The following DIS3L2 variants were observed in gnomAD, a reference collection of about 807,000 sequenced individuals.
The protein encoded by DIS3L2 is DIS3-like exonuclease 2.
In DIS3L2, 34 loss-of-function variants were observed where a neutral mutation model predicts 97.5. That is an observed-to-expected ratio of 0.35 (90% CI 0.27 to 0.46). DIS3L2 has a LOEUF of 0.46. Among genes scored for constraint, DIS3L2 ranks in the 20% least tolerant of loss-of-function variants. The pLI, the probability that DIS3L2 is intolerant of heterozygous loss-of-function variation, is 1.00. For missense variants in DIS3L2, 1,038 were observed against 1,146.0 expected, an observed-to-expected ratio of 0.91 and a Z score of 1.36; for synonymous variants, 435 against 445.2, an observed-to-expected ratio of 0.98 and a Z score of 0.29.
chr2:232,012,973 C>T (rs942485611), intron 1 of DIS3L2, among the ~76,000 whole-genome samples: 1 of 152,094 alleles, frequency 6.6e-6, no homozygotes, highest in Non-Finnish European at 1.5e-5. Flanking sequence ...GTGGATTGCC[C>T]CATGTGGAGG....
At chr2:232,244,194 C>T (rs1301105734) in intron 11 of DIS3L2, among the ~76,000 whole-genome samples, 6 of 152,028 alleles carry the variant, frequency 3.9e-5, no homozygotes, top group Admixed American at 2.6e-4. Flanking sequence ...CATTTGAGAG[C>T]GTTAGAATGT....
chr2:232,244,723 G>T (rs1431990824), intron 11 of DIS3L2, among the ~76,000 whole-genome samples: 1 of 152,226 alleles, frequency 6.6e-6, no homozygotes, highest in Non-Finnish European at 1.5e-5. Context: ...CTGTGAAGAA[G>T]AGTTGAGGTT....
intron 1 of DIS3L2, among the ~76,000 whole-genome samples, chr2:231,973,987 T>G (rs1283540408): frequency 6.6e-6 from 1 of 152,194 alleles, no homozygotes; most frequent in Admixed American, 6.5e-5. Context: ...TGCATTCATC[T>G]CTACAGTAAA....
Position 232,336,908 on chromosome 2 carries a change from T to TC in DIS3L2, c.*280dup. 7.9e-7 allele frequency: 1 copy of TC among 1,262,590 alleles called. No individual in the cohort carries two copies. The highest frequency in any genetic ancestry group is 1.0e-6 in the Non-Finnish European group (1 of 998,954). 78.2% of individuals were successfully genotyped at this position (1,262,590 alleles called of 1,614,324 possible). A position where few individuals can be genotyped will look rare whatever the true frequency, so the allele number is the denominator to read the frequency against. On this transcript the variant is annotated 3_prime_UTR_variant, in exon 21 of 21. Coordinates refer to ENST00000325385, the MANE Select transcript of DIS3L2 (RefSeq NM_152383.5). The stretch of plus-strand genomic sequence containing the variant: ...CCCTTTTTTCTGGGCCCTACTGCCC[T>TC]CCTCTGCCCAGGAAATGGGGGGGTT...
At chr2:232,188,918 A>T (rs549791951) in intron 9 of DIS3L2, among the ~76,000 whole-genome samples, 1 of 152,362 alleles carries the variant, frequency 6.6e-6, no homozygotes, top group African/African-American at 2.4e-5. Context: ...TGGACAGAAG[A>T]CATACACTGA....
chr2:232,166,831 G>A (rs1238083919), intron 9 of DIS3L2, among the ~76,000 whole-genome samples: 5 of 151,946 alleles, frequency 3.3e-5, no homozygotes, highest in Non-Finnish European at 5.9e-5. Flanking sequence ...GACCAGCGTG[G>A]CCAACATGGT....
intron 13 of DIS3L2, among the ~76,000 whole-genome samples, chr2:232,272,834 G>A (rs1476510293): frequency 6.6e-6 from 1 of 152,198 alleles, no homozygotes; most frequent in African/African-American, 2.4e-5. Flanking sequence ...TGCAGGGTCT[G>A]CTGGTGAGGA....
intron 14 of DIS3L2, among the ~76,000 whole-genome samples, chr2:232,308,138 C>T (rs552762520): frequency 4.6e-5 from 7 of 152,360 alleles, no homozygotes; most frequent in South Asian, 4.1e-4. Flanking sequence ...GGCAGGTCAC[C>T]ATCCATTCAG....
intron 5 of DIS3L2, among the ~76,000 whole-genome samples, chr2:232,057,799 G>A (rs1695589820): frequency 6.6e-6 from 1 of 152,114 alleles, no homozygotes; most frequent in African/African-American, 2.4e-5. Flanking sequence ...GTAGGTTTTT[G>A]TGTCGCATAG....
intron 1 of DIS3L2, among the ~76,000 whole-genome samples, chr2:231,996,631 TTATC>T (rs1209934786): frequency 2.0e-5 from 3 of 152,248 alleles, no homozygotes; most frequent in Admixed American, 2.0e-4. Flanking sequence ...TTTGCCGTGT[TTATC>T]TTTCTTTTGC....
chr2:232,278,161 T>C (rs1009723605), intron 13 of DIS3L2, among the ~76,000 whole-genome samples: 1 of 152,118 alleles, frequency 6.6e-6, no homozygotes, highest in Non-Finnish European at 1.5e-5. Flanking sequence ...GACTCGCATT[T>C]GTTTTCCTGC....
chr2:232,133,179 C>G (rs900397345), intron 7 of DIS3L2, among the ~76,000 whole-genome samples: 2 of 152,184 alleles, frequency 1.3e-5, no homozygotes, highest in Non-Finnish European at 1.5e-5. Flanking sequence ...AATGGGAAGC[C>G]TCTTTGTCCT....
chr2:232,173,358 G>T (rs550161667), intron 9 of DIS3L2, among the ~76,000 whole-genome samples: 1 of 152,124 alleles, frequency 6.6e-6, no homozygotes, highest in African/African-American at 2.4e-5. Context: ...AGCCTCCCAA[G>T]TAGCTGGGAG....
chr2:232,236,858 TCTC>T (rs1403289482), intron 10 of DIS3L2, among the ~76,000 whole-genome samples: 3 of 152,164 alleles, frequency 2.0e-5, no homozygotes, highest in East Asian at 3.9e-4. Context: ...TTCAAGCAGT[TCTC>T]CTGCCTCAGC....
chr2:232,156,376 A>T (rs1690494433), intron 8 of DIS3L2, among the ~76,000 whole-genome samples: 1 of 152,022 alleles, frequency 6.6e-6, no homozygotes, highest in South Asian at 2.1e-4. Flanking sequence ...TATAAAGCTT[A>T]TATTTTTGGG....
chr2:232,189,497 T>C (rs1691551903), intron 9 of DIS3L2, among the ~76,000 whole-genome samples: 1 of 152,228 alleles, frequency 6.6e-6, no homozygotes. Flanking sequence ...GAAAGTACAA[T>C]TTTAAAAAGT....
intron 1 of DIS3L2, among the ~76,000 whole-genome samples, chr2:231,985,517 G>A (rs1297283512): frequency 1.3e-5 from 2 of 152,148 alleles, no homozygotes; most frequent in Non-Finnish European, 2.9e-5. Flanking sequence ...TGGCTATTAT[G>A]AATAAAGCTG....
chr2:231,982,262 C>G (rs1331179277), intron 1 of DIS3L2, among the ~76,000 whole-genome samples: 1 of 152,056 alleles, frequency 6.6e-6, no homozygotes, highest in Non-Finnish European at 1.5e-5. Context: ...ATGAGATTGG[C>G]CTGTATTCTT....
At chr2:232,243,928 C>T (rs2106258470) in intron 11 of DIS3L2, among the ~76,000 whole-genome samples, 1 of 152,338 alleles carries the variant, frequency 6.6e-6, no homozygotes, top group Admixed American at 6.5e-5. Context: ...GGCCCTCCTT[C>T]ATCCACAGGA....
Sources: gnomAD v4.1 joint callset for allele counts (sites outside exome capture counted in the v4.1 genomes callset) on GRCh38, gnomAD v4.1.1 for gene constraint, MANE v1.5 for transcripts, NCBI Gene and HGNC (gene_info 2026-07-23, HGNC 2026-07-21) for gene names.